Variants in RBM39 observed in about 807,000 individuals in gnomAD.
RBM39 encodes RNA binding motif protein 39.
In RBM39, 12 loss-of-function variants were observed where a neutral mutation model predicts 79.6. That is an observed-to-expected ratio of 0.15 (90% confidence interval 0.10 to 0.24). The LOEUF (loss-of-function observed/expected upper bound fraction) is 0.24. RBM39 is among the 10% of genes least tolerant of loss of function. The pLI, the probability that RBM39 is intolerant of heterozygous loss-of-function variation, is 1.00. For missense variants in RBM39, 243 were observed against 653.4 expected, an observed-to-expected ratio of 0.37 and a Z score of 6.85; for synonymous variants, 185 against 208.4, an observed-to-expected ratio of 0.89 and a Z score of 0.97.
chr20:35,723,861 C>G (rs983812160), intron 8 of RBM39, among the ~76,000 whole-genome samples: 5 of 152,152 alleles, frequency 3.3e-5, no homozygotes, highest in Non-Finnish European at 7.3e-5. Flanking sequence ...AGCAACATGG[C>G]AAGACCCTGT....
At chr20:35,705,410 A>G in intron 14 of RBM39, 80 bp from the exon 15 acceptor site, 1 of 798,812 alleles carries the variant, frequency 1.3e-6, no homozygotes, top group South Asian at 1.8e-5. Context: ...AAAAATTTAA[A>G]TATTCTATGA....
chr20:35,713,240 A>C (rs989313161), intron 11 of RBM39, 144 bp from the exon 12 acceptor site: 2 of 607,474 alleles, frequency 3.3e-6, no homozygotes, highest in Admixed American at 6.7e-5. Context: ...CTTAGCTAGC[A>C]CTCTGGGAGG....
chr20:35,708,208 A>G (rs2146493655), intron 13 of RBM39, among the ~76,000 whole-genome samples: 1 of 152,134 alleles, frequency 6.6e-6, no homozygotes, highest in Non-Finnish European at 1.5e-5. Flanking sequence ...TTAATATAAC[A>G]TGTCAAATTC....
intron 9 of RBM39, 114 bp from the exon 10 acceptor site, chr20:35,716,919 CTT>C: frequency 1.5e-6 from 1 of 653,800 alleles, no homozygotes; most frequent in Middle Eastern, 3.0e-4. Flanking sequence ...AAATAGAAGA[CTT>C]ATCACAAAAC....
chr20:35,724,848 A>T, intron 7 of RBM39, 126 bp from the exon 8 acceptor site: 2 of 1,207,528 alleles, frequency 1.7e-6, no homozygotes, highest in Non-Finnish European at 2.3e-6. Flanking sequence ...TCTGTAGGAC[A>T]ATTCCTATAT....
chr20:35,716,148 ACTGCAAT>A (rs920484068), intron 10 of RBM39, among the ~76,000 whole-genome samples: 49 of 152,106 alleles, frequency 3.2e-4, no homozygotes, highest in African/African-American at 1.2e-3. Flanking sequence ...ATCTTGGCTC[ACTGCAAT>A]CTCCATATCC....
At chr20:35,725,874 G>A (rs2038622402) in intron 6 of RBM39, among the ~76,000 whole-genome samples, 1 of 151,964 alleles carries the variant, frequency 6.6e-6, no homozygotes. Flanking sequence ...ATGTTGGCCA[G>A]GCTGGTCTCC....
intron 3 of RBM39, among the ~76,000 whole-genome samples, chr20:35,735,713 G>A: frequency 6.6e-6 from 1 of 152,172 alleles, no homozygotes; most frequent in Admixed American, 6.5e-5. Flanking sequence ...AAAATCAAGA[G>A]TCCTGATTGA....
In RBM39 at chr20:35,741,987, TTGCTGCTGCTGC is replaced by T. The variant is rs72096088; in HGVS notation, c.-72_-61del. 1 of 249,462 alleles carries T rather than the reference TTGCTGCTGCTGC, an allele frequency of 4.0e-6. No homozygotes were observed. The highest frequency in any genetic ancestry group is 4.7e-5 in the Admixed American group (1 of 21,314). 15.5% of individuals were successfully genotyped at this position (249,462 alleles called of 1,614,324 possible). A position where few individuals can be genotyped will look rare whatever the true frequency, so the allele number is the denominator to read the frequency against. The stretch of plus-strand genomic sequence containing the variant: ...TGTGGTGCTCGTGTTCGGGAAGAGA[TTGCTGCTGCTGC>T]TGCTGCTGCTGCCGCCGCCGCCGCT... On this transcript the variant is annotated 5_prime_UTR_variant, in exon 1 of 17. Transcript: ENST00000253363.
chr20:35,724,378 A>G (rs187213549), intron 8 of RBM39, among the ~76,000 whole-genome samples, 192 bp downstream of exon 8: 1 of 152,036 alleles, frequency 6.6e-6, no homozygotes, highest in East Asian at 1.9e-4. Context: ...CACAAGGAGA[A>G]ACGACAGGAC....
At position 35,712,907 on chromosome 20, in the gene RBM39, A is replaced by G. The variant is rs548086735; in HGVS notation, c.1174+112T>C. On this transcript the variant is annotated intron_variant, in intron 12 of 16. Transcript: ENST00000253363. ...ATAGAAGACTACAAACTAACAGGCTATAAGTACTTGATGAATTGAATTCTC... is the reference window on the plus strand; with the variant it reads ...ATAGAAGACTACAAACTAACAGGCTGTAAGTACTTGATGAATTGAATTCTC... 52 of 765,680 alleles carry G rather than the reference A, an allele frequency of 6.8e-5. 2 individuals carry two copies. The highest frequency in any genetic ancestry group is 9.9e-5 in the Non-Finnish European group (48 of 486,718). 47.4% of individuals were successfully genotyped at this position (765,680 alleles called of 1,614,324 possible).
Position 35,713,114 on chromosome 20 carries a change from T to C in RBM39, c.1097-18A>G. 1 of 1,606,882 alleles carries C rather than the reference T, an allele frequency of 6.2e-7. No individual in the cohort carries two copies. Among genetic ancestry groups the C allele is most frequent in the Non-Finnish European group, 8.5e-7 (1 of 1,174,846 alleles). On this transcript the variant is annotated intron_variant, in intron 11 of 16. Coordinates refer to ENST00000253363, the MANE Select transcript of RBM39 (RefSeq NM_184234.3). ...ACCTGTACCTGTAAAAGAATAGTCT[T>C]AAAGTTCCTACTATGTTGAGAGCAG...
rs74980478 is a variant in RBM39 at position 35,724,432 on chromosome 20, T to TAA, written c.687+136_687+137dup. On this transcript the variant is annotated intron_variant, in intron 8 of 16. Coordinates refer to ENST00000253363, the MANE Select transcript of RBM39 (RefSeq NM_184234.3). ...GTATCAATGTTAATAAACGCAAAGT[T>TAA]AAAAAAAAAAAAAAAGTCCTGAAAA... is the stretch of plus-strand genomic sequence containing the variant. 6.4e-3 allele frequency: 3,968 copies of TAA among 615,634 alleles called. 12 individuals carry two copies. Among genetic ancestry groups the TAA allele is most frequent in the East Asian group, 0.03 (863 of 29,210 alleles). The allele number at this position is 615,634 out of a possible 1,614,324, so 38.1% of individuals were successfully genotyped here.
chr20:35,736,105 G>A (rs370906912), intron 3 of RBM39, among the ~76,000 whole-genome samples: 2 of 82,676 alleles, frequency 2.4e-5, no homozygotes, highest in African/African-American at 3.3e-5. Context: ...TTAGCCACTC[G>A]GCCTGACACC....
intron 2 of RBM39, chr20:35,740,536 C>T (rs747357202): frequency 2.2e-5 from 30 of 1,371,756 alleles, no homozygotes; most frequent in Non-Finnish European, 2.5e-5. Flanking sequence ...TTATGATTGA[C>T]AGTTCACACT....
At chr20:35,739,499 A>C in intron 2 of RBM39, 1 of 471,142 alleles carries the variant, frequency 2.1e-6, no homozygotes, top group Non-Finnish European at 4.4e-6. Context: ...TTTCCGTTGG[A>C]GGGTTGGGAC....
chr20:35,734,776 C>T (rs142521721), intron 3 of RBM39: 60 of 1,309,130 alleles, frequency 4.6e-5, no homozygotes, highest in Middle Eastern at 2.6e-4. Context: ...TGCATAAAAG[C>T]CCAGAGAAAA....
intron 3 of RBM39, among the ~76,000 whole-genome samples, chr20:35,738,199 C>T (rs2040175446): frequency 6.6e-6 from 1 of 151,708 alleles, no homozygotes; most frequent in Admixed American, 6.6e-5. Flanking sequence ...ACCCAGGAGG[C>T]GGAGGTTGCA....
In RBM39 at chr20:35,731,987, A is replaced by C; in HGVS notation, c.250T>G (p.Ser84Ala). 6.2e-7 allele frequency: 1 copy of C among 1,614,124 alleles called. No homozygotes were observed. The highest frequency in any genetic ancestry group is 1.3e-5 in the African/African-American group (1 of 75,028). Residue 84 changes from serine (S) to alanine (A), a missense_variant, in exon 4 of 17, where the codon TCA becomes GCA. Transcript: ENST00000253363. ...CTAAATCTTCGATCTCGACTTCTTG[A>C]GCGGCTCCGTCGCCTCTCTTTGCTT... Reference protein sequence around the residue: ...SRSKERRRSRSRSRDRRFRGR... With the variant: ...SRSKERRRSRARSRDRRFRGR...
Sources: gnomAD v4.1 joint callset for allele counts (sites outside exome capture counted in the v4.1 genomes callset) on GRCh38, gnomAD v4.1.1 for gene constraint, MANE v1.5 for transcripts, NCBI Gene and HGNC (gene_info 2026-07-23, HGNC 2026-07-21) for gene names.